NAALADL2: variants seen among roughly 807,000 people sequenced by gnomAD.
NAALADL2 encodes the protein N-acetylated alpha-linked acidic dipeptidase like 2, also known as inactive N-acetylated-alpha-linked acidic dipeptidase-like protein 2.
NAALADL2 carries 76 observed loss-of-function variants against 87.2 expected under a neutral mutation model. The observed-to-expected ratio is 0.87, with a 90% CI of 0.72 to 1.05. The LOEUF (loss-of-function observed/expected upper bound fraction) is 1.05, where lower values mean the gene tolerates loss of function less well. NAALADL2 is among the 50% of genes least tolerant of loss of function. The probability of loss-of-function intolerance (pLI) is 0.00; values close to 1 mark genes in which losing one functional copy is unlikely to be tolerated. For synonymous variants in NAALADL2, 354 were observed against 331.0 expected, an observed-to-expected ratio of 1.07 and a Z score of -0.75; for missense variants, 1,089 against 945.8, an observed-to-expected ratio of 1.15 and a Z score of -1.99.
rs1030673323 is a variant in NAALADL2 at position 174,866,640 on chromosome 3, G to C, written c.43+7190G>C. ...TTTGCATTTATTTTGGTTAATGAAG[G>C]GTTCAGTGCAGTTACTATGGCAGAT... On this transcript the variant is annotated intron_variant, in intron 1 of 13. Transcript: ENST00000454872. Among the ~76,000 whole-genome samples the C allele has an allele frequency of 5.9e-5, 9 of 151,746 alleles. No individual in the cohort carries two copies. The East Asian group carries it at 1.7e-3, about 29-fold the overall frequency.
chr3:174,564,952 T>C (rs879413673), intron 2 of NAALADL2, among the ~76,000 whole-genome samples: 1 of 151,972 alleles, frequency 6.6e-6, no homozygotes, highest in African/African-American at 2.4e-5. Flanking sequence ...ATTTTTACAG[T>C]TTTTTTAGAA....
chr3:175,382,512 T>G lies in NAALADL2; in HGVS notation c.1090+58187T>G, dbSNP rs549187087. Among the ~76,000 whole-genome samples, 7 of 68,896 alleles carry G rather than the reference T, an allele frequency of 1.0e-4. No homozygotes were observed. In the Admixed American group the frequency reaches 1.2e-3, roughly 11 times the overall value. 45.2% of individuals were successfully genotyped at this position (68,896 alleles called of 152,430 possible). ...TTATTGAATTCAGAAAAGATGAATA[T>G]CCACAATACAAATGACCCATGGTTA... On this transcript the variant is annotated intron_variant, in intron 5 of 13. Coordinates refer to ENST00000454872, the MANE Select transcript of NAALADL2 (RefSeq NM_207015.3).
chr3:174,545,269 G>A (rs1294431351), intron 1 of NAALADL2, among the ~76,000 whole-genome samples: 1 of 152,106 alleles, frequency 6.6e-6, no homozygotes, highest in Non-Finnish European at 1.5e-5. Flanking sequence ...TAATGTTCCT[G>A]TTGTATCCCT....
At chr3:175,091,689 A>G (rs1049143722) in intron 1 of NAALADL2, among the ~76,000 whole-genome samples, 3 of 151,990 alleles carry the variant, frequency 2.0e-5, no homozygotes, top group Non-Finnish European at 1.5e-5. Context: ...ACACATCACC[A>G]ATTCCTGGAA....
At chr3:175,639,563 G>A (rs376980157) in intron 11 of NAALADL2, among the ~76,000 whole-genome samples, 7 of 151,756 alleles carry the variant, frequency 4.6e-5, no homozygotes, top group African/African-American at 7.3e-5. Flanking sequence ...CTCGTGATCC[G>A]CCCACCTCGG....
chr3:175,201,595 T>C (rs1278311451), intron 2 of NAALADL2, among the ~76,000 whole-genome samples: 2 of 152,194 alleles, frequency 1.3e-5, no homozygotes, highest in African/African-American at 4.8e-5. Flanking sequence ...ATTACATCTT[T>C]GTCGTGTTAC....
intron 1 of NAALADL2, among the ~76,000 whole-genome samples, chr3:174,960,063 G>A (rs989189567): frequency 2.6e-5 from 4 of 152,026 alleles, no homozygotes; most frequent in Non-Finnish European, 5.9e-5. Flanking sequence ...TGCAGACCCC[G>A]TAGTTAATGC....
intron 1 of NAALADL2, among the ~76,000 whole-genome samples, chr3:174,882,726 T>C (rs531041181): frequency 6.3e-5 from 9 of 142,624 alleles, no homozygotes; most frequent in Non-Finnish European, 1.3e-4. Context: ...TATATGTGTA[T>C]ATGTGTATCT....
At chr3:175,501,424 G>C (rs201916327) in intron 9 of NAALADL2, among the ~76,000 whole-genome samples, 31 of 148,930 alleles carry the variant, frequency 2.1e-4, no homozygotes, top group African/African-American at 7.7e-4. Flanking sequence ...ATACGTTTTA[G>C]ACACACACAC....
Position 175,786,217 on chromosome 3 carries a change from C to G in NAALADL2, c.2190-16788C>G, listed in dbSNP as rs574208756. On this transcript the variant is annotated intron_variant, in intron 13 of 13. Coordinates refer to ENST00000454872, the MANE Select transcript of NAALADL2 (RefSeq NM_207015.3). Reference sequence around the variant, plus strand: ...TCTCGAGGAGTATCTTTGTGGCGTTCTCTGTATTTCCTGAATCTGAACCTT... The same window carrying G: ...TCTCGAGGAGTATCTTTGTGGCGTTGTCTGTATTTCCTGAATCTGAACCTT... 2.0e-4 allele frequency among the ~76,000 whole-genome samples: 31 copies of G among 151,872 alleles called. No homozygotes were observed. In the South Asian group the frequency reaches 6.0e-3, roughly 30 times the overall value.
intron 2 of NAALADL2, among the ~76,000 whole-genome samples, chr3:175,128,381 T>C (rs548257988): frequency 1.3e-5 from 2 of 152,318 alleles, no homozygotes; most frequent in Admixed American, 6.5e-5. Flanking sequence ...AATAAATGAT[T>C]TAATTTTCAA....
intron 3 of NAALADL2, among the ~76,000 whole-genome samples, chr3:174,769,179 G>A (rs1714223010): frequency 6.6e-6 from 1 of 151,694 alleles, no homozygotes; most frequent in African/African-American, 2.4e-5. Context: ...GGTTCCTATG[G>A]TTTTATTGTT....
At chr3:175,526,361 G>T (rs935923892) in intron 9 of NAALADL2, among the ~76,000 whole-genome samples, 10 of 152,098 alleles carry the variant, frequency 6.6e-5, no homozygotes, top group African/African-American at 2.4e-4. Flanking sequence ...TTGGAAGGAG[G>T]AATTTGCAGT....
At chr3:174,491,691 G>A (rs376209975) in intron 1 of NAALADL2, among the ~76,000 whole-genome samples, 8 of 151,820 alleles carry the variant, frequency 5.3e-5, no homozygotes, top group South Asian at 2.1e-4. Context: ...CATTGATGTC[G>A]CATCAAATTT....
At chr3:174,999,069 A>G (rs891503295) in intron 1 of NAALADL2, among the ~76,000 whole-genome samples, 2 of 152,162 alleles carry the variant, frequency 1.3e-5, no homozygotes, top group East Asian at 3.9e-4. Context: ...TGTAAACACA[A>G]TTGTTATTGA....
chr3:175,448,131 G>A (rs1000806353), intron 6 of NAALADL2, among the ~76,000 whole-genome samples: 5 of 152,130 alleles, frequency 3.3e-5, no homozygotes, highest in African/African-American at 1.2e-4. Flanking sequence ...AAAATATGTT[G>A]AAGAAATATG....
chr3:174,750,678 C>A lies in NAALADL2; in HGVS notation c.-9+12932C>A, dbSNP rs561312742. Among the ~76,000 whole-genome samples the A allele has an allele frequency of 2.1e-3, 319 of 152,248 alleles. 1 individual carries two copies. Among genetic ancestry groups the A allele is most frequent in the Non-Finnish European group, 2.4e-3 (165 of 68,010 alleles). Reference sequence around the variant, plus strand: ...CGAACTCCTGACCTCTGGTGATCCACCCGTCTCAGCCTCCCAAAGTGCTGG... The same window carrying A: ...CGAACTCCTGACCTCTGGTGATCCAACCGTCTCAGCCTCCCAAAGTGCTGG... On this transcript the variant is annotated intron_variant, in intron 3 of 3. Transcript: ENST00000434257.
At chr3:174,873,137 G>A (rs1209398709) in intron 1 of NAALADL2, among the ~76,000 whole-genome samples, 3 of 151,946 alleles carry the variant, frequency 2.0e-5, no homozygotes, top group Non-Finnish European at 2.9e-5. Flanking sequence ...GTAATGGTTT[G>A]CATTAATCTA....
chr3:174,810,199 G>A (rs1916232), intron 3 of NAALADL2, among the ~76,000 whole-genome samples: 113,398 of 152,114 alleles, frequency 0.75, 42,864 homozygotes, highest in African/African-American at 0.88. Flanking sequence ...GGACATTGCT[G>A]TAAAAATACC....
Sources: allele counts gnomAD v4.1 joint callset (sites outside exome capture counted in the v4.1 genomes callset), GRCh38; gene constraint gnomAD v4.1.1; transcripts MANE v1.5; gene names NCBI Gene and HGNC (gene_info 2026-07-23, HGNC 2026-07-21).